LRRC4C: variants seen among roughly 807,000 people sequenced by gnomAD.
LRRC4C encodes the protein leucine rich repeat containing 4C, also known as leucine-rich repeat-containing protein 4C.
LRRC4C carries 5 observed loss-of-function variants against 33.6 expected under a neutral mutation model. The observed-to-expected ratio is 0.15, with a 90% CI of 0.08 to 0.31. The LOEUF is 0.31. LRRC4C is among the 10% of genes least tolerant of loss of function. The pLI, the probability that LRRC4C is intolerant of heterozygous loss-of-function variation, is 1.00. For synonymous variants in LRRC4C, 329 were observed against 302.0 expected (o/e 1.09, Z -0.93); for missense variants, 560 against 796.7 (o/e 0.70, Z 3.58).
intron 1 of LRRC4C, among the ~76,000 whole-genome samples, chr11:40,959,301 T>C (rs1366011737): frequency 2.0e-5 from 3 of 151,690 alleles, no homozygotes; most frequent in Non-Finnish European, 4.4e-5. Context: ...GATATAGCTA[T>C]GATAAGCAAG....
intron 1 of LRRC4C, among the ~76,000 whole-genome samples, chr11:41,350,521 A>C (rs1236870312): frequency 6.6e-6 from 1 of 151,762 alleles, no homozygotes; most frequent in Non-Finnish European, 1.5e-5. Context: ...AAAAAAAAAA[A>C]AAAAAAGAAA....
At chr11:40,624,276 C>G (rs898704982) in intron 3 of LRRC4C, among the ~76,000 whole-genome samples, 3 of 152,072 alleles carry the variant, frequency 2.0e-5, no homozygotes, top group Non-Finnish European at 4.4e-5. Context: ...AATTATAAAA[C>G]TTGGTTATGA....
At chr11:40,484,741 GA>G (rs1463170256) in intron 3 of LRRC4C, among the ~76,000 whole-genome samples, 1 of 151,974 alleles carries the variant, frequency 6.6e-6, no homozygotes, top group African/African-American at 2.4e-5. Context: ...TGGAAAAAAA[GA>G]ATTATTCCAA....
At chr11:41,139,825 C>G (rs938997376) in intron 1 of LRRC4C, among the ~76,000 whole-genome samples, 2 of 152,128 alleles carry the variant, frequency 1.3e-5, no homozygotes, top group African/African-American at 2.4e-5. Flanking sequence ...ATACTGCTAG[C>G]CTCCTTCCCT....
intron 2 of LRRC4C, among the ~76,000 whole-genome samples, chr11:40,693,739 C>T (rs61886824): frequency 0.38 from 57,596 of 151,712 alleles, 13,207 homozygotes; most frequent in East Asian, 0.52. Context: ...AATGTGTCTG[C>T]GGCATGGAAG....
At chr11:40,763,195 G>C (rs373460257) in intron 2 of LRRC4C, among the ~76,000 whole-genome samples, 1 of 151,634 alleles carries the variant, frequency 6.6e-6, no homozygotes, top group South Asian at 2.1e-4. Flanking sequence ...ATGTTCATTT[G>C]TGTTGGGTTT....
intron 1 of LRRC4C, among the ~76,000 whole-genome samples, chr11:41,035,611 T>TA (rs1257132872): frequency 1.3e-5 from 2 of 152,116 alleles, no homozygotes; most frequent in Non-Finnish European, 2.9e-5. Context: ...GGGGAGAGCG[T>TA]AACTGAGGTG....
At chr11:41,076,612 C>T (rs1483346738) in intron 1 of LRRC4C, among the ~76,000 whole-genome samples, 1 of 152,178 alleles carries the variant, frequency 6.6e-6, no homozygotes, top group Non-Finnish European at 1.5e-5. Flanking sequence ...TGGGCCCCAC[C>T]TTCAATACCT....
intron 2 of LRRC4C, among the ~76,000 whole-genome samples, chr11:40,804,161 C>G (rs1170291667): frequency 1.3e-5 from 2 of 151,786 alleles, no homozygotes; most frequent in Non-Finnish European, 2.9e-5. Context: ...CTAAAAATAC[C>G]AATCTTCTCA....
chr11:40,986,154 G>A lies in LRRC4C; in HGVS notation c.-495-52431C>T, dbSNP rs140008439. On this transcript the variant is annotated intron_variant, in intron 1 of 6. Coordinates refer to ENST00000528697, the MANE Select transcript of LRRC4C (RefSeq NM_001258419.2). ...TTCAAAATAAAAATAAAGCCAAAGT[G>A]ATATGATATAAAAGAAGTTTGATTC... 5.3e-3 allele frequency among the ~76,000 whole-genome samples: 812 copies of A among 152,262 alleles called. 4 individuals are homozygous for A. Among genetic ancestry groups the A allele is most frequent in the Non-Finnish European group, 7.6e-3 (519 of 68,006 alleles).
chr11:40,479,674 G>T (rs999179800), intron 3 of LRRC4C, among the ~76,000 whole-genome samples: 3 of 152,124 alleles, frequency 2.0e-5, no homozygotes, highest in Non-Finnish European at 4.4e-5. Context: ...TGAATCTCTT[G>T]AGGGTCATGC....
chr11:40,302,498 A>T (rs1316978120), intron 4 of LRRC4C, among the ~76,000 whole-genome samples: 2 of 152,144 alleles, frequency 1.3e-5, no homozygotes, highest in Non-Finnish European at 2.9e-5. Flanking sequence ...TTATCAGAAC[A>T]AAGTTTCTTT....
chr11:40,313,870 C>A (rs1264177125), intron 4 of LRRC4C, among the ~76,000 whole-genome samples: 2 of 151,954 alleles, frequency 1.3e-5, no homozygotes, highest in African/African-American at 4.8e-5. Context: ...GCCTCGGCCT[C>A]CCAAAGTGCT....
intron 2 of LRRC4C, among the ~76,000 whole-genome samples, chr11:40,710,274 T>G (rs1052181984): frequency 3.9e-5 from 6 of 152,220 alleles, no homozygotes; most frequent in Non-Finnish European, 8.8e-5. Context: ...TGGGACTCTC[T>G]GGTTTTTAGA....
intron 1 of LRRC4C, among the ~76,000 whole-genome samples, chr11:41,048,640 AT>A (rs1261737123): frequency 1.3e-5 from 2 of 152,182 alleles, no homozygotes; most frequent in African/African-American, 4.8e-5. Flanking sequence ...ATAATGATCA[AT>A]ATGTTATCTG....
intron 3 of LRRC4C, among the ~76,000 whole-genome samples, chr11:40,646,698 C>T (rs1942483442): frequency 6.6e-6 from 1 of 152,216 alleles, no homozygotes. Context: ...GCTCCGCCCT[C>T]CGGGTTCACG....
At chr11:40,205,190 G>A (rs1349037313) in intron 5 of LRRC4C, among the ~76,000 whole-genome samples, 1 of 152,172 alleles carries the variant, frequency 6.6e-6, no homozygotes, top group Non-Finnish European at 1.5e-5. Context: ...TGAAGATATA[G>A]TAACTCCAGG....
intron 2 of LRRC4C, among the ~76,000 whole-genome samples, chr11:40,858,626 A>G (rs1300257056): frequency 6.7e-6 from 1 of 148,784 alleles, no homozygotes; most frequent in Non-Finnish European, 1.5e-5. Context: ...CCCAGGAGCC[A>G]GAGGTTGCAG....
chr11:41,200,250 TAA>T (rs1200009071), intron 1 of LRRC4C, among the ~76,000 whole-genome samples: 2 of 152,168 alleles, frequency 1.3e-5, no homozygotes, highest in Admixed American at 1.3e-4. Flanking sequence ...CAGCAGGTTC[TAA>T]ATACTTTTTT....
Sources: allele counts gnomAD v4.1 joint callset (sites outside exome capture counted in the v4.1 genomes callset), GRCh38; gene constraint gnomAD v4.1.1; transcripts MANE v1.5; gene names NCBI Gene and HGNC (gene_info 2026-07-23, HGNC 2026-07-21).